The following CDYL2 variants were observed in gnomAD, a reference collection of about 807,000 sequenced individuals.
The protein encoded by CDYL2 is chromodomain Y-like protein 2.
A neutral mutation model predicts 49.4 loss-of-function variants in CDYL2; 23 were observed. The observed-to-expected ratio is 0.47, with a 90% CI of 0.34 to 0.66. CDYL2 has a LOEUF of 0.66. Ranked by LOEUF, CDYL2 falls within the 30% of genes least tolerant of loss-of-function variation. The pLI is 0.01. For missense variants in CDYL2, 678 were observed against 656.4 expected, an observed-to-expected ratio of 1.03 and a Z score of -0.36; for synonymous variants, 360 against 268.8, an observed-to-expected ratio of 1.34 and a Z score of -3.32.
At chr16:80,679,530 T>C (rs1330025432) in intron 2 of CDYL2, among the ~76,000 whole-genome samples, 2 of 152,178 alleles carry the variant, frequency 1.3e-5, no homozygotes, top group Non-Finnish European at 2.9e-5. Flanking sequence ...CTCTGTAAAA[T>C]GGGTAGAAAA....
chr16:80,614,626 GA>G (rs1906744267), intron 4 of CDYL2, among the ~76,000 whole-genome samples: 4 of 152,202 alleles, frequency 2.6e-5, no homozygotes, highest in Admixed American at 6.5e-5. Context: ...AGCAGTGTGG[GA>G]GGCCGAGGTG....
At chr16:80,711,928 G>A (rs1307097590) in intron 1 of CDYL2, among the ~76,000 whole-genome samples, 2 of 151,144 alleles carry the variant, frequency 1.3e-5, no homozygotes, top group Non-Finnish European at 2.9e-5. Context: ...CAACCGACAG[G>A]GGAGAAGGAC....
intron 2 of CDYL2, among the ~76,000 whole-genome samples, chr16:80,641,042 A>G (rs1429595437): frequency 2.0e-5 from 3 of 152,202 alleles, no homozygotes; most frequent in Non-Finnish European, 4.4e-5. Flanking sequence ...GTTTATTCAA[A>G]GGGATAATAA....
intron 2 of CDYL2, chr16:80,639,533 T>C (rs1907985903): frequency 5.8e-6 from 2 of 346,500 alleles, no homozygotes; most frequent in Non-Finnish European, 1.1e-5. Context: ...AAATGAGTTA[T>C]GAGGGAATGG....
At chr16:80,611,482 A>C (rs1906592490) in intron 5 of CDYL2, among the ~76,000 whole-genome samples, 1 of 152,110 alleles carries the variant, frequency 6.6e-6, no homozygotes. Context: ...GGAAGCCCAG[A>C]CCCAGCAGCG....
chr16:80,774,875 T>C (rs533297485), intron 1 of CDYL2, among the ~76,000 whole-genome samples: 1 of 149,636 alleles, frequency 6.7e-6, no homozygotes, highest in African/African-American at 2.5e-5. Context: ...AGAAAAGGCA[T>C]AGAAACTGAC....
chr16:80,757,065 TA>T (rs1332833545), intron 1 of CDYL2, among the ~76,000 whole-genome samples: 1 of 151,836 alleles, frequency 6.6e-6, no homozygotes, highest in South Asian at 2.1e-4. Context: ...GTAACACCAG[TA>T]AAAAAATGCT....
chr16:80,661,231 G>A (rs148797461), intron 2 of CDYL2, among the ~76,000 whole-genome samples: 2 of 151,934 alleles, frequency 1.3e-5, no homozygotes, highest in Non-Finnish European at 2.9e-5. Context: ...CCCAATTGAG[G>A]GATACATTAT....
At chr16:80,631,242 C>T (rs183912896) in intron 3 of CDYL2, among the ~76,000 whole-genome samples, 2 of 152,242 alleles carry the variant, frequency 1.3e-5, no homozygotes, top group East Asian at 1.9e-4. Context: ...AGGGAGGTGA[C>T]GAAATGACAT....
intron 1 of CDYL2, among the ~76,000 whole-genome samples, chr16:80,722,831 G>C (rs756097405): frequency 2.1e-4 from 32 of 152,166 alleles, no homozygotes; most frequent in Admixed American, 3.9e-4. Context: ...CCCTACTCAT[G>C]AGCATACCTG....
At chr16:80,750,936 C>T (rs1001568041) in intron 1 of CDYL2, among the ~76,000 whole-genome samples, 3 of 152,042 alleles carry the variant, frequency 2.0e-5, no homozygotes, top group Admixed American at 6.6e-5. Context: ...AGGAGAATGG[C>T]GTGAACCCGG....
intron 2 of CDYL2, among the ~76,000 whole-genome samples, chr16:80,683,047 G>A (rs1429056109): frequency 1.3e-5 from 2 of 152,204 alleles, no homozygotes; most frequent in Non-Finnish European, 2.9e-5. Flanking sequence ...AGCTCTTGCA[G>A]GGGAGCCAGC....
At chr16:80,758,741 A>G (rs978012914) in intron 1 of CDYL2, among the ~76,000 whole-genome samples, 19 of 151,636 alleles carry the variant, frequency 1.3e-4, no homozygotes, top group Non-Finnish European at 2.5e-4. Context: ...ACAGGGTTTC[A>G]CCGTGTTAGC....
intron 1 of CDYL2, chr16:80,736,438 A>C (rs1368195394): frequency 1.3e-5 from 2 of 152,244 alleles, no homozygotes; most frequent in African/African-American, 4.8e-5. Flanking sequence ...TATGTGCAAC[A>C]TGACAGTGAG....
intron 1 of CDYL2, among the ~76,000 whole-genome samples, chr16:80,727,701 C>G (rs1004331297): frequency 6.6e-6 from 1 of 152,214 alleles, no homozygotes; most frequent in African/African-American, 2.4e-5. Context: ...ATGTCCCTGT[C>G]TGACAGCTTT....
intron 1 of CDYL2, among the ~76,000 whole-genome samples, chr16:80,739,741 T>C (rs1489529574): frequency 6.6e-6 from 1 of 152,050 alleles, no homozygotes; most frequent in Non-Finnish European, 1.5e-5. Flanking sequence ...GAATGAGTCA[T>C]AGAAGCGCTG....
At chr16:80,764,961 G>A (rs1018779206) in intron 1 of CDYL2, among the ~76,000 whole-genome samples, 2 of 150,438 alleles carry the variant, frequency 1.3e-5, no homozygotes, top group Admixed American at 1.3e-4. Context: ...TCAGGAGGCT[G>A]AGGCAGGAGA....
chr16:80,697,935 GGA>G (rs778740423), intron 1 of CDYL2, among the ~76,000 whole-genome samples: 13 of 152,078 alleles, frequency 8.5e-5, no homozygotes, highest in Non-Finnish European at 1.6e-4. Flanking sequence ...CCATGTTCAT[GGA>G]TTGGAAGAAT....
At chr16:80,666,910 T>C (rs1033972013) in intron 2 of CDYL2, among the ~76,000 whole-genome samples, 8 of 152,206 alleles carry the variant, frequency 5.3e-5, no homozygotes, top group Non-Finnish European at 2.9e-5. Flanking sequence ...GTGTTGGTGA[T>C]ACAGCTGTGA....
Sources: allele counts gnomAD v4.1 joint callset (sites outside exome capture counted in the v4.1 genomes callset), GRCh38; gene constraint gnomAD v4.1.1; transcripts MANE v1.5; gene names NCBI Gene and HGNC (gene_info 2026-07-23, HGNC 2026-07-21).